Variants in TF observed in about 807,000 individuals in gnomAD.
TF encodes transferrin.
Under a neutral mutation model 82.4 loss-of-function variants are expected in TF, and 55 were observed. The ratio of observed to expected loss-of-function variants is 0.67; its 90% CI spans 0.54 to 0.84. TF has a LOEUF of 0.84. TF is among the 40% of genes least tolerant of loss of function. The pLI is 0.00. For synonymous variants in TF, 332 were observed against 332.6 expected, an observed-to-expected ratio of 1.00 and a Z score of 0.02; for missense variants, 737 against 868.4, an observed-to-expected ratio of 0.85 and a Z score of 1.90.
At chr3:133,734,375 A>G in the TF span, among the ~76,000 whole-genome samples, 2 of 152,170 alleles carry the variant, frequency 1.3e-5, no homozygotes, top group African/African-American at 4.8e-5. Context: ...GTAGGCTTGA[A>G]TGTCTTGTTC....
rs56267966 is a variant in TF at position 133,789,879 on chromosome 3, G to GTTTTTTTTTTTTTTTT, written c.*11273_*11288dup. ...GCCAAAACAAAACGATCTCGTTTGC[G>GTTTTTTTTTTTTTTTT]TTTTTTTTTTTTTTTTTTTTTTTTT... On this transcript the variant is annotated 3_prime_UTR_variant, in exon 17 of 17. Transcript: ENST00000402696. 2 of 88,982 alleles carry GTTTTTTTTTTTTTTTT rather than the reference G, an allele frequency of 2.2e-5. No homozygotes were observed. Among genetic ancestry groups the GTTTTTTTTTTTTTTTT allele is most frequent in the Non-Finnish European group, 2.0e-5 (1 of 49,026 alleles). 5.5% of individuals were successfully genotyped at this position (88,982 alleles called of 1,614,324 possible).
the TF span, among the ~76,000 whole-genome samples, chr3:133,733,880 AAC>A: frequency 6.6e-6 from 1 of 152,092 alleles, no homozygotes; most frequent in Non-Finnish European, 1.5e-5. Context: ...AAAAAAAAAA[AAC>A]ATGTATTTAT....
the TF span, among the ~76,000 whole-genome samples, chr3:133,663,567 T>C: frequency 6.6e-6 from 1 of 152,126 alleles, no homozygotes; most frequent in Non-Finnish European, 1.5e-5. Context: ...TAGGGCACTT[T>C]ACAGTTAACA....
the TF span, among the ~76,000 whole-genome samples, chr3:133,726,018 T>C: frequency 6.6e-6 from 1 of 152,222 alleles, no homozygotes; most frequent in Non-Finnish European, 1.5e-5. Flanking sequence ...CACTTGATCA[T>C]GGTGGATAAG....
At position 133,795,869 on chromosome 3, in the gene TF, C is replaced by A. The variant is rs1033796946; in HGVS notation, c.*17249C>A. The A allele has an allele frequency of 6.6e-6, 1 of 152,292 alleles. No homozygotes were observed. Among genetic ancestry groups the A allele is most frequent in the African/African-American group, 2.4e-5 (1 of 41,402 alleles). The allele number at this position is 152,292 out of a possible 1,614,324, so 9.4% of individuals were successfully genotyped here. ...GGGATAACAGGCGTGAGCCACTGCA[C>A]CTGGCCAAAAAGGGGAATTTTTTTT... On this transcript the variant is annotated 3_prime_UTR_variant, in exon 17 of 17. Transcript: ENST00000402696.
At position 133,778,784 on chromosome 3, in the gene TF, T is replaced by C; in HGVS notation, c.*164T>C. The C allele has an allele frequency of 3.2e-6, 2 of 624,296 alleles. No individual in the cohort carries two copies. The highest frequency in any genetic ancestry group is 5.5e-6 in the Non-Finnish European group (2 of 366,150). 38.7% of individuals were successfully genotyped at this position (624,296 alleles called of 1,614,324 possible). A position where few individuals can be genotyped will look rare whatever the true frequency, so the allele number is the denominator to read the frequency against. ...AAAAAATAAAAATTATTATTGATTT[T>C]ATATTTCAAAAACTCCATTCTTTCC... is the stretch of plus-strand genomic sequence containing the variant. On this transcript the variant is annotated 3_prime_UTR_variant, in exon 17 of 17. Transcript: ENST00000402696.
the TF span, among the ~76,000 whole-genome samples, chr3:133,683,360 C>A: frequency 1.3e-4 from 20 of 152,130 alleles, no homozygotes; most frequent in Non-Finnish European, 2.8e-4. Context: ...ACAATATGAA[C>A]CTTAAATGTA....
At chr3:133,737,846 A>G in the TF span, among the ~76,000 whole-genome samples, 1 of 152,224 alleles carries the variant, frequency 6.6e-6, no homozygotes, top group Non-Finnish European at 1.5e-5. Flanking sequence ...AAAATAGCCC[A>G]GGACCAGAAA....
chr3:133,781,206 C>T lies in TF; in HGVS notation c.*2586C>T, dbSNP rs926716777. On this transcript the variant is annotated 3_prime_UTR_variant, in exon 17 of 17. Coordinates refer to ENST00000402696, the MANE Select transcript of TF (RefSeq NM_001063.4). Reference sequence around the variant, plus strand: ...TGGTGCATGCCTGTAATCCCAGCTACTCGGGAGGCTGAGGCGGGAGAATTG... The same window carrying T: ...TGGTGCATGCCTGTAATCCCAGCTATTCGGGAGGCTGAGGCGGGAGAATTG... The T allele has an allele frequency of 6.6e-6, 1 of 151,800 alleles. No individual in the cohort carries two copies. The highest frequency in any genetic ancestry group is 2.4e-5 in the African/African-American group (1 of 41,280). The allele number at this position is 151,800 out of a possible 1,614,324, so 9.4% of individuals were successfully genotyped here.
At chr3:133,746,515 T>A in intron 1 of TF, 32 bp downstream of exon 1, 1 of 1,581,344 alleles carries the variant, frequency 6.3e-7, no homozygotes, top group Non-Finnish European at 8.5e-7. Context: ...CACCGCAGAG[T>A]CGCTGGCCCG....
At chr3:133,695,887 A>G in the TF span, among the ~76,000 whole-genome samples, 1 of 152,222 alleles carries the variant, frequency 6.6e-6, no homozygotes, top group Non-Finnish European at 1.5e-5. Flanking sequence ...GGTAACGTAG[A>G]CAGAGTGGAT....
At chr3:133,769,645 G>A (rs929342937) in intron 13 of TF, among the ~76,000 whole-genome samples, 17 of 152,164 alleles carry the variant, frequency 1.1e-4, no homozygotes, top group Non-Finnish European at 2.5e-4. Flanking sequence ...TTGAACCGAT[G>A]CAGTAATAGG....
rs752988188 is a variant in TF at position 133,775,615 on chromosome 3, C to G, written c.1870C>G (p.Gln624Glu). 3.1e-6 allele frequency: 5 copies of G among 1,613,946 alleles called. 1 individual carries two copies. In the South Asian group the frequency reaches 5.5e-5, roughly 18 times the overall value. Residue 624 changes from glutamine (Q) to glutamate (E), a missense_variant and splice_region_variant, in exon 15 of 17, where the codon CAG becomes GAG. Physicochemically the swap from Gln to Glu is conservative, Grantham distance 29. Coordinates refer to ENST00000402696, the MANE Select transcript of TF (RefSeq NM_001063.4). ...ACVHKILRQQ[Q>E]HLFGSNVTDC... ...CGTCCACAAGATATTACGTCAACAG[C>G]AGGTATGGACCAGCCAGGTCCTCCC...
At chr3:133,743,349 A>G (rs1933428494), upstream of TF, among the ~76,000 whole-genome samples, 1 of 151,968 alleles carries the variant, frequency 6.6e-6, no homozygotes. Flanking sequence ...CCTCTCCCAG[A>G]CTGACCAGCC....
At chr3:133,758,415 C>G (rs976159373) in intron 8 of TF, among the ~76,000 whole-genome samples, 3 of 152,172 alleles carry the variant, frequency 2.0e-5, no homozygotes, top group African/African-American at 7.2e-5. Flanking sequence ...TATTGAACAT[C>G]TAGCCATATG....
At position 133,754,012 on chromosome 3, in the gene TF, C is replaced by T. The variant is rs1030447887; in HGVS notation, c.325+309C>T. ...GCGGTCTACTGATATGTCTAGGGTCCCTGGAGGCCTCTGGAGCCATAGGTA... is the reference window on the plus strand; with the variant it reads ...GCGGTCTACTGATATGTCTAGGGTCTCTGGAGGCCTCTGGAGCCATAGGTA... On this transcript the variant is annotated intron_variant, in intron 3 of 16. Transcript: ENST00000402696. The T allele has an allele frequency of 2.6e-5, 13 of 499,644 alleles. No homozygotes were observed. In the Admixed American group the frequency reaches 2.9e-4, roughly 11 times the overall value. 31.0% of individuals were successfully genotyped at this position (499,644 alleles called of 1,614,324 possible).
chr3:133,677,740 G>C, the TF span, among the ~76,000 whole-genome samples: 2 of 151,948 alleles, frequency 1.3e-5, no homozygotes, highest in African/African-American at 4.8e-5. Context: ...CTGGAGTGCA[G>C]TGGTGTGATC....
Position 133,754,380 on chromosome 3 carries a change from AG to A in TF, c.326-114del, listed in dbSNP as rs1180227143. 5 of 1,059,992 alleles carry A rather than the reference AG, an allele frequency of 4.7e-6. No homozygotes were observed. The African/African-American group carries it at 7.8e-5, about 17-fold the overall frequency. The allele number at this position is 1,059,992 out of a possible 1,614,324, so 65.7% of individuals were successfully genotyped here. ...CCTGATTCCCCACTCCTTATCGCCC[AG>A]TCCAGTAAAAGCATGGCCTCTCCGC... On this transcript the variant is annotated intron_variant, in intron 3 of 16. Transcript: ENST00000402696.
chr3:133,754,778 G>C (rs1342587015), intron 4 of TF, 107 bp downstream of exon 4: 6 of 1,274,896 alleles, frequency 4.7e-6, no homozygotes, highest in Non-Finnish European at 6.9e-6. Context: ...GATGAACTCA[G>C]GTGGGGGAAA....
Sources: gnomAD v4.1 joint callset for allele counts (sites outside exome capture counted in the v4.1 genomes callset) on GRCh38, gnomAD v4.1.1 for gene constraint, MANE v1.5 for transcripts, NCBI Gene and HGNC (gene_info 2026-07-23, HGNC 2026-07-21) for gene names.